The following LRFN5 variants were observed in gnomAD, a reference collection of about 807,000 sequenced individuals.
The protein encoded by LRFN5 is leucine-rich repeat and fibronectin type-III domain-containing protein 5.
A neutral mutation model predicts 45.6 loss-of-function variants in LRFN5; 24 were observed. That is an observed-to-expected ratio of 0.53 (90% CI 0.38 to 0.74). The LOEUF (loss-of-function observed/expected upper bound fraction) is 0.74. Among genes scored for constraint, LRFN5 ranks in the 30% least tolerant of loss-of-function variants. The probability of loss-of-function intolerance (pLI) is 0.00; values close to 1 mark genes in which losing one functional copy is unlikely to be tolerated. For missense variants in LRFN5, 776 were observed against 861.5 expected, an observed-to-expected ratio of 0.90 and a Z score of 1.24; for synonymous variants, 340 against 313.8, an observed-to-expected ratio of 1.08 and a Z score of -0.88.
chr14:41,776,405 C>G (rs1566433539), intron 2 of LRFN5, among the ~76,000 whole-genome samples: 1 of 152,062 alleles, frequency 6.6e-6, no homozygotes, highest in Non-Finnish European at 1.5e-5. Context: ...ATTCCTGAGT[C>G]TTATTTGGTG....
chr14:41,727,394 A>G (rs1444500754), intron 1 of LRFN5, among the ~76,000 whole-genome samples: 1 of 152,068 alleles, frequency 6.6e-6, no homozygotes, highest in African/African-American at 2.4e-5. Context: ...ACTTGAGCCC[A>G]GGAGTTTGAG....
At chr14:41,708,865 A>G (rs1883172724) in intron 1 of LRFN5, among the ~76,000 whole-genome samples, 1 of 151,988 alleles carries the variant, frequency 6.6e-6, no homozygotes, top group Non-Finnish European at 1.5e-5. Context: ...TGTTTTTATC[A>G]GGAGGTACAT....
chr14:41,637,847 T>A (rs1879378419), intron 1 of LRFN5, among the ~76,000 whole-genome samples: 2 of 152,152 alleles, frequency 1.3e-5, no homozygotes, highest in South Asian at 4.1e-4. Context: ...AAGATCAGAT[T>A]GTCATGTGAA....
chr14:41,667,244 G>A (rs1018373701), intron 1 of LRFN5, among the ~76,000 whole-genome samples: 3 of 152,182 alleles, frequency 2.0e-5, no homozygotes, highest in South Asian at 2.1e-4. Flanking sequence ...CTTTCCTCAC[G>A]CTACATTCCT....
intron 1 of LRFN5, among the ~76,000 whole-genome samples, chr14:41,735,967 G>A (rs983467528): frequency 3.9e-5 from 6 of 152,120 alleles, no homozygotes; most frequent in Non-Finnish European, 8.8e-5. Context: ...AGTATTCCAT[G>A]GTGTATATGT....
chr14:41,718,613 G>A lies in LRFN5; in HGVS notation c.-196-48241G>A, dbSNP rs542075097. Reference sequence around the variant, plus strand: ...CCACCTGCATATGGGAAAGCTCTCCGTGTTAGATGAGGTAGACAGCATAGT... The same window carrying A: ...CCACCTGCATATGGGAAAGCTCTCCATGTTAGATGAGGTAGACAGCATAGT... On this transcript the variant is annotated intron_variant, in intron 1 of 5. Transcript: ENST00000298119. 7.9e-5 allele frequency among the ~76,000 whole-genome samples: 12 copies of A among 152,236 alleles called. No individual in the cohort carries two copies. In the South Asian group the frequency reaches 1.5e-3, roughly 18 times the overall value.
intron 2 of LRFN5, among the ~76,000 whole-genome samples, chr14:41,879,916 C>CTTT (rs34553310): frequency 5.3e-5 from 3 of 56,488 alleles, no homozygotes; most frequent in South Asian, 9.5e-4. Flanking sequence ...TCAATTTTTC[C>CTTT]TTTTTTTTTT....
At chr14:41,648,940 A>G (rs1879950481) in intron 1 of LRFN5, among the ~76,000 whole-genome samples, 1 of 152,200 alleles carries the variant, frequency 6.6e-6, no homozygotes, top group Non-Finnish European at 1.5e-5. Context: ...TGAAAAGTTG[A>G]CAAGTAATAT....
At chr14:41,683,889 T>C (rs975349057) in intron 1 of LRFN5, among the ~76,000 whole-genome samples, 1 of 152,148 alleles carries the variant, frequency 6.6e-6, no homozygotes, top group African/African-American at 2.4e-5. Context: ...AATCTATAGA[T>C]TCAGTGCAAT....
At chr14:41,835,932 T>TA (rs1355142168) in intron 2 of LRFN5, among the ~76,000 whole-genome samples, 48 of 144,378 alleles carry the variant, frequency 3.3e-4, no homozygotes, top group South Asian at 8.6e-4. Context: ...TTCTTTTTTT[T>TA]TAAAAAAAAA....
intron 2 of LRFN5, among the ~76,000 whole-genome samples, chr14:41,852,770 G>A (rs1889316002): frequency 1.3e-5 from 2 of 151,754 alleles, no homozygotes; most frequent in Admixed American, 1.3e-4. Context: ...TTGCTCCATT[G>A]AATAAAACTA....
intron 2 of LRFN5, among the ~76,000 whole-genome samples, chr14:41,866,371 C>T (rs1193113801): frequency 6.6e-6 from 1 of 152,092 alleles, no homozygotes; most frequent in Non-Finnish European, 1.5e-5. Flanking sequence ...AGGGCAGTTA[C>T]AGCTGAGGAG....
chr14:41,620,458 G>T (rs1048773003), intron 1 of LRFN5, among the ~76,000 whole-genome samples: 1 of 152,022 alleles, frequency 6.6e-6, no homozygotes, highest in African/African-American at 2.4e-5. Context: ...TGGTTTTGTG[G>T]TACATGTGTC....
chr14:41,711,511 T>C (rs949882974), intron 1 of LRFN5, among the ~76,000 whole-genome samples: 1 of 152,182 alleles, frequency 6.6e-6, no homozygotes, highest in Non-Finnish European at 1.5e-5. Flanking sequence ...CATATGTATA[T>C]ATCTCCTGAG....
Position 41,753,084 on chromosome 14 carries a change from G to A in LRFN5, c.-196-13770G>A, listed in dbSNP as rs143087979. ...AAAGATCAGATAGTTGTAGATATGC[G>A]GCATTATTTCTGAGGGCTCTGTTCT... On this transcript the variant is annotated intron_variant, in intron 1 of 5. Transcript: ENST00000298119. Among the ~76,000 whole-genome samples, 142 of 152,106 alleles carry A rather than the reference G, an allele frequency of 9.3e-4. 2 individuals are homozygous for A. The highest frequency in any genetic ancestry group is 3.4e-3 in the Middle Eastern group (1 of 294).
At chr14:41,893,917 C>A (rs1309516811) in intron 4 of LRFN5, 2 of 985,060 alleles carry the variant, frequency 2.0e-6, no homozygotes, top group African/African-American at 1.7e-5. Flanking sequence ...CACATGTGGT[C>A]GTAGTTTGCG....
At chr14:41,782,822 A>G (rs1886576700) in intron 2 of LRFN5, among the ~76,000 whole-genome samples, 1 of 152,106 alleles carries the variant, frequency 6.6e-6, no homozygotes, top group Admixed American at 6.6e-5. Context: ...CAGCTCTTCC[A>G]CCTGAAATCA....
At chr14:41,849,028 A>G (rs1403248644) in intron 2 of LRFN5, among the ~76,000 whole-genome samples, 2 of 152,046 alleles carry the variant, frequency 1.3e-5, no homozygotes, top group Non-Finnish European at 2.9e-5. Flanking sequence ...TTAACAGCTG[A>G]ACTCACATAT....
At chr14:41,644,340 T>G (rs1486201234) in intron 1 of LRFN5, among the ~76,000 whole-genome samples, 1 of 152,220 alleles carries the variant, frequency 6.6e-6, no homozygotes, top group Non-Finnish European at 1.5e-5. Flanking sequence ...TTAGATAATG[T>G]CTTACATCTT....
Sources: allele counts gnomAD v4.1 joint callset (sites outside exome capture counted in the v4.1 genomes callset), GRCh38; gene constraint gnomAD v4.1.1; transcripts MANE v1.5; gene names NCBI Gene and HGNC (gene_info 2026-07-23, HGNC 2026-07-21).